The following SEMA3A variants were observed in gnomAD, a reference collection of about 807,000 sequenced individuals.
SEMA3A encodes the protein semaphorin-3A.
SEMA3A carries 29 observed loss-of-function variants against 97.9 expected under a neutral mutation model. That is an observed-to-expected ratio of 0.30 (90% confidence interval 0.22 to 0.40). The LOEUF (loss-of-function observed/expected upper bound fraction) is 0.40, where lower values mean the gene tolerates loss of function less well. Among genes scored for constraint, SEMA3A ranks in the 10% least tolerant of loss-of-function variants. The pLI is 1.00. For missense variants in SEMA3A, 763 were observed against 951.3 expected (o/e 0.80, Z 2.60); for synonymous variants, 321 against 323.7 (o/e 0.99, Z 0.09).
intron 1 of SEMA3A, among the ~76,000 whole-genome samples, chr7:84,452,512 T>C (rs1805580937): frequency 6.6e-6 from 1 of 152,212 alleles, no homozygotes; most frequent in South Asian, 2.1e-4. Context: ...AGATAATATA[T>C]GGTGGCATGA....
intron 1 of SEMA3A, among the ~76,000 whole-genome samples, chr7:84,471,805 T>G (rs1406120319): frequency 6.6e-6 from 1 of 152,114 alleles, no homozygotes; most frequent in Non-Finnish European, 1.5e-5. Flanking sequence ...AAACATACTT[T>G]TATACATAAG....
chr7:83,972,023 C>CGTG lies in SEMA3A; in HGVS notation c.1717+5108_1717+5109insCAC, dbSNP rs139077410. The stretch of plus-strand genomic sequence containing the variant: ...TGTGTGTACATATATACGTGTGTGT[C>CGTG]TATATATGTGTATGGATGTATATAT... On this transcript the variant is annotated intron_variant, in intron 15 of 16. Transcript: ENST00000265362. Among the ~76,000 whole-genome samples, 646 of 150,824 alleles carry CGTG rather than the reference C, an allele frequency of 4.3e-3. 4 individuals carry two copies. The highest frequency in any genetic ancestry group is 0.015 in the African/African-American group (622 of 41,178).
chr7:84,447,578 T>C (rs1231715515), intron 1 of SEMA3A, among the ~76,000 whole-genome samples: 3 of 152,116 alleles, frequency 2.0e-5, no homozygotes, highest in Admixed American at 1.3e-4. Context: ...AGATACCCAC[T>C]TCGGGGTTTC....
At chr7:84,334,387 T>C (rs573256460) in intron 2 of SEMA3A, among the ~76,000 whole-genome samples, 17 of 152,136 alleles carry the variant, frequency 1.1e-4, no homozygotes, top group South Asian at 2.1e-4. Flanking sequence ...TAACCTGAGA[T>C]GAGATTTTAT....
chr7:84,236,065 CCT>C (rs879852847), intron 3 of SEMA3A, among the ~76,000 whole-genome samples: 5 of 152,122 alleles, frequency 3.3e-5, no homozygotes, highest in Non-Finnish European at 5.9e-5. Context: ...ACAAAACCAG[CCT>C]GATGTCACCT....
intron 4 of SEMA3A, among the ~76,000 whole-genome samples, chr7:84,093,438 A>G (rs1794656219): frequency 6.6e-6 from 1 of 152,206 alleles, no homozygotes; most frequent in African/African-American, 2.4e-5. Context: ...TAATGCATGA[A>G]TTGAGATCAG....
chr7:84,491,377 A>G (rs1806731449), intron 1 of SEMA3A, among the ~76,000 whole-genome samples: 1 of 152,182 alleles, frequency 6.6e-6, no homozygotes, highest in Non-Finnish European at 1.5e-5. Flanking sequence ...ATTACTAGAT[A>G]AGAAATGCAG....
intron 3 of SEMA3A, among the ~76,000 whole-genome samples, chr7:84,273,825 C>A (rs1264042549): frequency 6.6e-6 from 1 of 151,952 alleles, no homozygotes; most frequent in Non-Finnish European, 1.5e-5. Context: ...AACAAACAAT[C>A]CTACGTTTCT....
intron 1 of SEMA3A, among the ~76,000 whole-genome samples, chr7:84,399,716 GAC>G (rs1803846831): frequency 6.6e-6 from 1 of 152,176 alleles, no homozygotes; most frequent in Non-Finnish European, 1.5e-5. Context: ...AGTTTAGCAG[GAC>G]TCACCACTAG....
At chr7:84,106,745 A>G (rs1032080177) in intron 4 of SEMA3A, among the ~76,000 whole-genome samples, 19 of 152,174 alleles carry the variant, frequency 1.2e-4, no homozygotes, top group African/African-American at 4.3e-4. Flanking sequence ...ATATATGATG[A>G]TAAGTCTATA....
intron 2 of SEMA3A, among the ~76,000 whole-genome samples, chr7:84,325,307 A>C (rs890051823): frequency 6.6e-6 from 1 of 152,140 alleles, no homozygotes; most frequent in African/African-American, 2.4e-5. Flanking sequence ...TCAATCAAAC[A>C]ATCAAATTAT....
intron 1 of SEMA3A, among the ~76,000 whole-genome samples, chr7:84,412,396 G>C (rs774366460): frequency 9.9e-5 from 15 of 152,096 alleles, no homozygotes; most frequent in Admixed American, 7.9e-4. Context: ...AAAAAAGCTG[G>C]AATTTGATAC....
In SEMA3A at chr7:84,005,566, G is replaced by A. The variant is rs766407534; in HGVS notation, c.1141-8C>T. ...AAATGTTTTGCTGGGACACTATTAAGATAAAGAGAAAATTATCTTTTGATT... is the reference window on the plus strand; with the variant it reads ...AAATGTTTTGCTGGGACACTATTAAAATAAAGAGAAAATTATCTTTTGATT... On this transcript the variant is annotated splice_polypyrimidine_tract_variant and splice_region_variant and intron_variant, in intron 10 of 16. Transcript: ENST00000265362. 1.3e-6 allele frequency: 2 copies of A among 1,556,392 alleles called. No homozygotes were observed. Among genetic ancestry groups the A allele is most frequent in the Non-Finnish European group, 1.8e-6 (2 of 1,133,060 alleles).
chr7:83,986,642 T>C (rs1315067867), intron 12 of SEMA3A, among the ~76,000 whole-genome samples: 2 of 152,082 alleles, frequency 1.3e-5, no homozygotes, highest in African/African-American at 4.8e-5. Context: ...AGGGGTCTGA[T>C]AAGAAAGAGG....
chr7:84,463,174 C>G (rs1805897328), intron 1 of SEMA3A, among the ~76,000 whole-genome samples: 1 of 150,450 alleles, frequency 6.6e-6, no homozygotes, highest in Admixed American at 6.6e-5. Flanking sequence ...GTGCATTATT[C>G]CAAGGCAATA....
chr7:84,226,919 T>C (rs1215401090), intron 3 of SEMA3A, among the ~76,000 whole-genome samples: 1 of 152,088 alleles, frequency 6.6e-6, no homozygotes, highest in Non-Finnish European at 1.5e-5. Context: ...AAACCCTCTG[T>C]GCATTAAATA....
At chr7:84,070,544 C>A (rs1318970443) in intron 4 of SEMA3A, among the ~76,000 whole-genome samples, 2 of 151,886 alleles carry the variant, frequency 1.3e-5, no homozygotes, top group Non-Finnish European at 2.9e-5. Context: ...GAAAGGAAAC[C>A]TTTATATATG....
chr7:84,152,548 G>T (rs1156845831), intron 1 of SEMA3A, among the ~76,000 whole-genome samples: 3 of 114,076 alleles, frequency 2.6e-5, no homozygotes, highest in Non-Finnish European at 5.3e-5. Context: ...GTTGTGGGGT[G>T]GGGGGAGGGG....
intron 3 of SEMA3A, among the ~76,000 whole-genome samples, chr7:84,301,346 AAGAATTTGTCTTC>A (rs1490310087): frequency 3.3e-5 from 5 of 152,130 alleles, no homozygotes; most frequent in Admixed American, 2.6e-4. Context: ...GCATATATCA[AAGAATTTGTCTTC>A]AGAATGCATA....
Sources: gnomAD v4.1 joint callset for allele counts (sites outside exome capture counted in the v4.1 genomes callset) on GRCh38, gnomAD v4.1.1 for gene constraint, MANE v1.5 for transcripts, NCBI Gene and HGNC (gene_info 2026-07-23, HGNC 2026-07-21) for gene names.